ATP9B: variants seen among roughly 807,000 people sequenced by gnomAD.
The protein encoded by ATP9B is ATPase phospholipid transporting 9B.
Under a neutral mutation model 146.1 loss-of-function variants are expected in ATP9B, and 110 were observed. The ratio of observed to expected loss-of-function variants is 0.75; its 90% confidence interval spans 0.65 to 0.88. The LOEUF (loss-of-function observed/expected upper bound fraction) is 0.88, where lower values mean the gene tolerates loss of function less well. Ranked by LOEUF, ATP9B falls within the 40% of genes least tolerant of loss-of-function variation. The pLI is 0.00. For synonymous variants in ATP9B, 604 were observed against 569.7 expected, an observed-to-expected ratio of 1.06 and a Z score of -0.86; for missense variants, 1,499 against 1,496.4, an observed-to-expected ratio of 1.00 and a Z score of -0.03.
At chr18:79,327,900 C>T (rs1313074851) in intron 15 of ATP9B, among the ~76,000 whole-genome samples, 2 of 123,966 alleles carry the variant, frequency 1.6e-5, no homozygotes, top group Admixed American at 8.4e-5. Context: ...CCGTGGTTAG[C>T]GTGCTCTCCG....
chr18:79,107,111 C>T (rs929946399), intron 2 of ATP9B, among the ~76,000 whole-genome samples: 3 of 152,128 alleles, frequency 2.0e-5, no homozygotes, highest in Non-Finnish European at 4.4e-5. Flanking sequence ...GAGTCCGTTC[C>T]TGAAGAATTT....
chr18:79,362,458 A>AATGGTAT (rs2044581837), intron 26 of ATP9B: 1 of 152,230 alleles, frequency 6.6e-6, no homozygotes, highest in East Asian at 1.9e-4. Context: ...CTTTACAGAA[A>AATGGTAT]ATGGTATATT....
intron 15 of ATP9B, among the ~76,000 whole-genome samples, chr18:79,316,468 C>T (rs1189055335): frequency 6.6e-6 from 1 of 152,142 alleles, no homozygotes; most frequent in African/African-American, 2.4e-5. Flanking sequence ...TGGCAGCTAA[C>T]ATGTTTAGTA....
chr18:79,257,026 G>C (rs548231934), intron 12 of ATP9B, among the ~76,000 whole-genome samples: 2 of 152,180 alleles, frequency 1.3e-5, no homozygotes, highest in Non-Finnish European at 2.9e-5. Context: ...TTGGCCGGGC[G>C]CAGGGGCTCA....
chr18:79,341,879 C>T (rs1485947760), intron 19 of ATP9B, among the ~76,000 whole-genome samples: 1 of 152,202 alleles, frequency 6.6e-6, no homozygotes, highest in Non-Finnish European at 1.5e-5. Flanking sequence ...CAGAACTGTT[C>T]CATCCTCCTA....
At chr18:79,250,752 C>T (rs2096014601) in intron 11 of ATP9B, among the ~76,000 whole-genome samples, 1 of 152,210 alleles carries the variant, frequency 6.6e-6, no homozygotes, top group South Asian at 2.1e-4. Flanking sequence ...CAGCCCATAC[C>T]CGCAGCAGCG....
intron 1 of ATP9B, among the ~76,000 whole-genome samples, chr18:79,077,379 A>G (rs2072744482): frequency 6.6e-6 from 1 of 152,152 alleles, no homozygotes; most frequent in Admixed American, 6.5e-5. Context: ...CTGGCTCCCC[A>G]GTGGTCTCTG....
At chr18:79,173,582 A>G in intron 7 of ATP9B, 1 of 423,164 alleles carries the variant, frequency 2.4e-6, no homozygotes, top group Non-Finnish European at 4.7e-6. Context: ...TGAAGACTCC[A>G]TTCTCCATAA....
intron 26 of ATP9B, among the ~76,000 whole-genome samples, chr18:79,366,679 C>T (rs1349719437): frequency 2.0e-5 from 3 of 152,184 alleles, no homozygotes; most frequent in Non-Finnish European, 2.9e-5. Flanking sequence ...GGCCATACAC[C>T]GAGTGGCTAG....
chr18:79,346,909 C>T, intron 23 of ATP9B, among the ~76,000 whole-genome samples: 1 of 152,238 alleles, frequency 6.6e-6, no homozygotes, highest in East Asian at 1.9e-4. Context: ...GGTCGGAGTC[C>T]CCCGCTTTGA....
intron 23 of ATP9B, 32 bp downstream of exon 23, chr18:79,345,871 C>T: frequency 6.2e-7 from 1 of 1,610,338 alleles, no homozygotes; most frequent in Non-Finnish European, 8.5e-7. Context: ...CACATTAGCA[C>T]ACAGTCAGCA....
chr18:79,087,335 A>G (rs2073931745), intron 1 of ATP9B: 2 of 152,244 alleles, frequency 1.3e-5, no homozygotes, highest in South Asian at 4.1e-4. Context: ...GGACAAAAAC[A>G]TTTCAACCGT....
At chr18:79,253,128 G>A (rs2145081114) in intron 11 of ATP9B, among the ~76,000 whole-genome samples, 1 of 152,334 alleles carries the variant, frequency 6.6e-6, no homozygotes, top group African/African-American at 2.4e-5. Flanking sequence ...CCACCCTCCA[G>A]AGGCCGTGTC....
intron 7 of ATP9B, among the ~76,000 whole-genome samples, chr18:79,172,594 C>G (rs1389952909): frequency 6.8e-6 from 1 of 146,016 alleles, no homozygotes; most frequent in African/African-American, 2.6e-5. Flanking sequence ...CCTTGCGATC[C>G]GCCTTGGCCT....
At chr18:79,258,319 A>G (rs1352018753) in intron 12 of ATP9B, among the ~76,000 whole-genome samples, 2 of 152,152 alleles carry the variant, frequency 1.3e-5, no homozygotes, top group Non-Finnish European at 2.9e-5. Flanking sequence ...AGTCCTAGCT[A>G]GTTGGGAGGC....
intron 7 of ATP9B, among the ~76,000 whole-genome samples, chr18:79,174,731 C>A (rs1362854864): frequency 6.6e-6 from 1 of 152,120 alleles, no homozygotes; most frequent in African/African-American, 2.4e-5. Context: ...GTAGGTGGAT[C>A]TAAAGGGTTG....
chr18:79,346,785 A>G (rs565124549), intron 23 of ATP9B, among the ~76,000 whole-genome samples: 17 of 152,318 alleles, frequency 1.1e-4, no homozygotes, highest in African/African-American at 4.1e-4. Context: ...CAGTCAGCAC[A>G]TGCTCGGTGA....
chr18:79,332,261 C>G (rs750334655), intron 17 of ATP9B, among the ~76,000 whole-genome samples: 15 of 150,680 alleles, frequency 1.0e-4, no homozygotes, highest in Non-Finnish European at 1.9e-4. Flanking sequence ...AACCCCATCT[C>G]TACTAAAAAT....
intron 6 of ATP9B, among the ~76,000 whole-genome samples, chr18:79,148,236 G>A (rs1303406118): frequency 6.6e-6 from 1 of 152,204 alleles, no homozygotes; most frequent in African/African-American, 2.4e-5. Flanking sequence ...AGAAGACTTA[G>A]CATCAACTTT....
Sources: gnomAD v4.1 joint callset for allele counts (sites outside exome capture counted in the v4.1 genomes callset) on GRCh38, gnomAD v4.1.1 for gene constraint, MANE v1.5 for transcripts, NCBI Gene and HGNC (gene_info 2026-07-23, HGNC 2026-07-21) for gene names.